Variants in PRKG1 observed in about 807,000 individuals in gnomAD.
PRKG1 encodes cGMP-dependent protein kinase 1.
A neutral mutation model predicts 88.1 loss-of-function variants in PRKG1; 35 were observed. The observed-to-expected ratio is 0.40, with a 90% confidence interval of 0.30 to 0.53. The LOEUF (loss-of-function observed/expected upper bound fraction) is 0.53, where lower values mean the gene tolerates loss of function less well. PRKG1 is among the 20% of genes least tolerant of loss of function. PRKG1 has a pLI of 0.59. For missense variants in PRKG1, 540 were observed against 839.8 expected, an observed-to-expected ratio of 0.64 and a Z score of 4.41; for synonymous variants, 303 against 292.5, an observed-to-expected ratio of 1.04 and a Z score of -0.37.
chr10:52,097,571 T>C (rs967377605), intron 7 of PRKG1, among the ~76,000 whole-genome samples: 1 of 152,116 alleles, frequency 6.6e-6, no homozygotes. Flanking sequence ...TGTTTTTCTT[T>C]GATACTTTGA....
At chr10:51,693,480 C>G (rs1841200233) in intron 3 of PRKG1, among the ~76,000 whole-genome samples, 1 of 151,864 alleles carries the variant, frequency 6.6e-6, no homozygotes, top group African/African-American at 2.4e-5. Flanking sequence ...CGACTCACTT[C>G]AATCTCCACC....
At chr10:51,218,523 A>AT (rs1202979088) in intron 2 of PRKG1, among the ~76,000 whole-genome samples, 4 of 122,934 alleles carry the variant, frequency 3.3e-5, no homozygotes, top group Non-Finnish European at 6.6e-5. Context: ...ATATATATAT[A>AT]TATATATAAA....
At chr10:51,067,611 T>G (rs1843769074) in intron 1 of PRKG1, among the ~76,000 whole-genome samples, 1 of 152,028 alleles carries the variant, frequency 6.6e-6, no homozygotes, top group Non-Finnish European at 1.5e-5. Flanking sequence ...ATGATTAGAA[T>G]TTTGGCTGTA....
chr10:52,280,085 A>G (rs1311242883), intron 12 of PRKG1, among the ~76,000 whole-genome samples: 1 of 152,094 alleles, frequency 6.6e-6, no homozygotes, highest in Non-Finnish European at 1.5e-5. Flanking sequence ...ATAATAATCA[A>G]GATTACTAAT....
chr10:51,626,332 A>G (rs769598163), intron 3 of PRKG1, among the ~76,000 whole-genome samples: 1 of 152,218 alleles, frequency 6.6e-6, no homozygotes, highest in Non-Finnish European at 1.5e-5. Flanking sequence ...AACATAGTTG[A>G]CATTTTAGTG....
chr10:51,819,995 T>A (rs553384797), intron 4 of PRKG1, among the ~76,000 whole-genome samples: 1 of 152,144 alleles, frequency 6.6e-6, no homozygotes, highest in African/African-American at 2.4e-5. Context: ...ATAGCTTTTT[T>A]AAAAAAGATT....
intron 2 of PRKG1, among the ~76,000 whole-genome samples, chr10:51,317,471 C>T (rs1037951542): frequency 6.6e-6 from 1 of 152,210 alleles, no homozygotes; most frequent in Non-Finnish European, 1.5e-5. Context: ...AACACGCACA[C>T]AAACACCCTT....
Position 51,678,024 on chromosome 10 carries a change from A to G in PRKG1, c.593-126561A>G, listed in dbSNP as rs113930949. On this transcript the variant is annotated intron_variant, in intron 3 of 17. Transcript: ENST00000373980. ...AAAGGAGAAAAAAAGAGAATTAAAG[A>G]TCAGTCTTTTGTTCTCATTGTTGGC... Among the ~76,000 whole-genome samples, 234 of 152,304 alleles carry G rather than the reference A, an allele frequency of 1.5e-3. 3 individuals carry two copies. Among genetic ancestry groups the G allele is most frequent in the African/African-American group, 5.0e-3 (207 of 41,564 alleles).
At chr10:51,898,839 A>G (rs1478085984) in intron 4 of PRKG1, among the ~76,000 whole-genome samples, 1 of 151,944 alleles carries the variant, frequency 6.6e-6, no homozygotes, top group African/African-American at 2.4e-5. Context: ...AAGAAATAAT[A>G]TTTTTTTCTT....
intron 7 of PRKG1, among the ~76,000 whole-genome samples, chr10:52,095,647 A>G (rs1240986893): frequency 6.6e-6 from 1 of 152,172 alleles, no homozygotes; most frequent in Non-Finnish European, 1.5e-5. Flanking sequence ...TATGTATTTA[A>G]TATTGAGCCA....
chr10:52,067,589 T>C (rs1023951446), intron 7 of PRKG1, among the ~76,000 whole-genome samples: 8 of 152,188 alleles, frequency 5.3e-5, no homozygotes, highest in East Asian at 1.9e-4. Context: ...GAGTCATAAA[T>C]TGAGTCATCT....
intron 3 of PRKG1, among the ~76,000 whole-genome samples, chr10:51,735,103 G>A (rs191975579): frequency 6.6e-5 from 10 of 152,290 alleles, no homozygotes; most frequent in Admixed American, 5.9e-4. Context: ...CCATCCTTGT[G>A]CCCTAGAAGA....
At chr10:51,842,349 A>C (rs1840298616) in intron 4 of PRKG1, among the ~76,000 whole-genome samples, 1 of 152,236 alleles carries the variant, frequency 6.6e-6, no homozygotes, top group South Asian at 2.1e-4. Context: ...GAGTGTTATG[A>C]GGACACATTC....
intron 3 of PRKG1, among the ~76,000 whole-genome samples, chr10:51,536,651 T>TTTA (rs1311020669): frequency 4.6e-5 from 7 of 151,926 alleles, no homozygotes; most frequent in African/African-American, 7.3e-5. Context: ...TTTCTTTTTT[T>TTTA]TTATTATTAT....
At chr10:51,135,423 A>G (rs1465170650) in intron 1 of PRKG1, among the ~76,000 whole-genome samples, 3 of 152,194 alleles carry the variant, frequency 2.0e-5, no homozygotes, top group African/African-American at 7.2e-5. Context: ...TGGGTATGAA[A>G]GTCAATGTAA....
At chr10:51,244,548 C>G (rs964969361) in intron 2 of PRKG1, among the ~76,000 whole-genome samples, 2 of 151,882 alleles carry the variant, frequency 1.3e-5, no homozygotes, top group Admixed American at 6.6e-5. Flanking sequence ...CCAAAGGCCC[C>G]GTTTTAATTG....
intron 2 of PRKG1, among the ~76,000 whole-genome samples, chr10:51,176,756 G>C (rs532155142): frequency 6.6e-6 from 1 of 152,226 alleles, no homozygotes; most frequent in East Asian, 1.9e-4. Context: ...CACTGAACCT[G>C]CATATGCCAA....
intron 4 of PRKG1, among the ~76,000 whole-genome samples, chr10:51,834,488 A>G (rs1840077818): frequency 6.6e-6 from 1 of 151,938 alleles, no homozygotes; most frequent in Non-Finnish European, 1.5e-5. Context: ...AATATATACA[A>G]AAATTAGCTG....
chr10:51,152,493 A>T (rs1015097060), intron 1 of PRKG1, among the ~76,000 whole-genome samples: 6 of 152,058 alleles, frequency 3.9e-5, no homozygotes, highest in Non-Finnish European at 8.8e-5. Flanking sequence ...GAGCAGTATT[A>T]TCTCCCACCA....
Sources: gnomAD v4.1 joint callset for allele counts (sites outside exome capture counted in the v4.1 genomes callset) on GRCh38, gnomAD v4.1.1 for gene constraint, MANE v1.5 for transcripts, NCBI Gene and HGNC (gene_info 2026-07-23, HGNC 2026-07-21) for gene names.